Variants in PLA2G4A observed in about 807,000 individuals in gnomAD.
PLA2G4A encodes cytosolic phospholipase A2.
In PLA2G4A, 40 loss-of-function variants were observed where a neutral mutation model predicts 81.9. That is an observed-to-expected ratio of 0.49 (90% CI 0.38 to 0.64). The LOEUF is 0.64. Ranked by LOEUF, PLA2G4A falls within the 30% of genes least tolerant of loss-of-function variation. PLA2G4A has a pLI of 0.00. For synonymous variants in PLA2G4A, 302 were observed against 296.9 expected (o/e 1.02, Z -0.18); for missense variants, 715 against 905.1 (o/e 0.79, Z 2.69).
rs572006323 is a variant in PLA2G4A, at chr1:186,832,539, C to G, written c.-70+3504C>G. On this transcript the variant is annotated intron_variant, in intron 1 of 17. Coordinates refer to ENST00000367466, the MANE Select transcript of PLA2G4A (RefSeq NM_024420.3). ...AAGAGTAGAGTTTTCTATGTCAATA[C>G]TGGGTGCCATCATCAAACAGAGCAA... Among the ~76,000 whole-genome samples the G allele has an allele frequency of 2.6e-5, 4 of 152,214 alleles. No homozygotes were observed. The East Asian group carries it at 7.7e-4, about 29-fold the overall frequency.
At chr1:186,853,436 A>G (rs865942941) in intron 1 of PLA2G4A, among the ~76,000 whole-genome samples, 65 of 151,936 alleles carry the variant, frequency 4.3e-4, no homozygotes, top group African/African-American at 1.4e-3. Context: ...ATTTTTTTAA[A>G]GTTGATGTTT....
intron 5 of PLA2G4A, among the ~76,000 whole-genome samples, chr1:186,894,667 A>G (rs1323405177): frequency 3.9e-5 from 6 of 152,180 alleles, no homozygotes; most frequent in Non-Finnish European, 7.3e-5. Context: ...CTGGGGGAAT[A>G]TTTCTGTCTC....
chr1:186,887,567 G>A (rs1653979988), intron 3 of PLA2G4A, among the ~76,000 whole-genome samples: 2 of 152,066 alleles, frequency 1.3e-5, no homozygotes, highest in Admixed American at 1.3e-4. Flanking sequence ...AGATGTAAAA[G>A]GGGTTTTTGC....
chr1:186,974,123 T>G (rs1415007665), intron 15 of PLA2G4A, among the ~76,000 whole-genome samples: 3 of 151,856 alleles, frequency 2.0e-5, no homozygotes, highest in African/African-American at 7.2e-5. Context: ...ATTTATATTT[T>G]TTTACATGTA....
rs1048071867 is a variant in PLA2G4A at position 186,880,210 on chromosome 1, G to C, written c.115+9694G>C. Among the ~76,000 whole-genome samples the C allele has an allele frequency of 2.0e-5, 3 of 151,958 alleles. No homozygotes were observed. The Admixed American group carries it at 2.0e-4, about 10-fold the overall frequency. On this transcript the variant is annotated intron_variant, in intron 3 of 17. Transcript: ENST00000367466. ...TGGAAAAATGCTGCCAATAAGAGAA[G>C]ACTTTACAGCTTGAATGTAGATTGA...
chr1:186,911,410 G>C, intron 7 of PLA2G4A, 21 bp downstream of exon 7: 3 of 1,557,242 alleles, frequency 1.9e-6, no homozygotes, highest in Non-Finnish European at 2.7e-6. Flanking sequence ...AATTTTTCAA[G>C]TGTTACTATA....
At chr1:186,974,451 G>A (rs1657461378) in intron 15 of PLA2G4A, among the ~76,000 whole-genome samples, 1 of 152,032 alleles carries the variant, frequency 6.6e-6, no homozygotes, top group African/African-American at 2.4e-5. Flanking sequence ...GCCAAGATCA[G>A]GCCACAGCAC....
chr1:186,936,602 A>G (rs1204263959), intron 8 of PLA2G4A, among the ~76,000 whole-genome samples: 1 of 151,990 alleles, frequency 6.6e-6, no homozygotes. Flanking sequence ...TTTAAGCACA[A>G]AAATTCTAAA....
intron 7 of PLA2G4A, among the ~76,000 whole-genome samples, chr1:186,928,671 G>A (rs966493314): frequency 1.3e-5 from 2 of 152,336 alleles, no homozygotes; most frequent in Admixed American, 1.3e-4. Context: ...GGGCCAAGGA[G>A]AGAAATGTTT....
chr1:186,982,799 C>T (rs1657766336), intron 17 of PLA2G4A, among the ~76,000 whole-genome samples: 1 of 152,060 alleles, frequency 6.6e-6, no homozygotes, highest in South Asian at 2.1e-4. Context: ...ATTTTTGGGG[C>T]CGGGCGCCGT....
At chr1:186,832,150 T>G (rs1367688368) in intron 1 of PLA2G4A, among the ~76,000 whole-genome samples, 4 of 152,106 alleles carry the variant, frequency 2.6e-5, no homozygotes, top group African/African-American at 9.6e-5. Context: ...AGATTAGTTT[T>G]CCACTATTAT....
chr1:186,910,491 C>A (rs1654901040), intron 6 of PLA2G4A, among the ~76,000 whole-genome samples: 1 of 152,006 alleles, frequency 6.6e-6, no homozygotes, highest in Admixed American at 6.6e-5. Flanking sequence ...GTGATCCTAA[C>A]CTCTCAGGGC....
In PLA2G4A at chr1:186,911,254, C is replaced by G. The variant is rs929214833; in HGVS notation, c.423C>G (p.Cys141Trp). The G allele has an allele frequency of 1.2e-6, 2 of 1,612,954 alleles. No homozygotes were observed. The highest frequency in any genetic ancestry group is 1.3e-5 in the African/African-American group (1 of 74,984). ...TATCTGTTTGGTATTACAGCTCATGCCCAGACCTACGATTTAGTATGGCTC... is the reference window on the plus strand; with the variant it reads ...TATCTGTTTGGTATTACAGCTCATGGCCAGACCTACGATTTAGTATGGCTC... ...VLEMSLEVCS[C>W]PDLRFSMALC... is the part of the protein sequence containing the mutation. The change falls in exon 7 of 18, where the codon TGC becomes TGG. Residue 141 changes from cysteine (C) to tryptophan (W), a missense_variant. Coordinates refer to ENST00000367466, the MANE Select transcript of PLA2G4A (RefSeq NM_024420.3).
chr1:186,895,619 C>T (rs1016114619), intron 5 of PLA2G4A, among the ~76,000 whole-genome samples: 7 of 152,266 alleles, frequency 4.6e-5, no homozygotes, highest in African/African-American at 1.7e-4. Context: ...TAGGGAGATA[C>T]ATACGTGTGA....
intron 2 of PLA2G4A, among the ~76,000 whole-genome samples, chr1:186,867,108 C>A (rs774036532): frequency 7.2e-5 from 11 of 151,922 alleles, no homozygotes; most frequent in African/African-American, 2.7e-4. Flanking sequence ...ATTACTGTAG[C>A]TTTATAGTAA....
chr1:186,955,397 A>G (rs933944757), intron 13 of PLA2G4A, among the ~76,000 whole-genome samples: 3 of 152,182 alleles, frequency 2.0e-5, no homozygotes, highest in Non-Finnish European at 4.4e-5. Context: ...AAGGTAACTT[A>G]AGAAATGTAG....
intron 7 of PLA2G4A, among the ~76,000 whole-genome samples, chr1:186,912,993 G>A (rs942471890): frequency 6.7e-6 from 1 of 150,324 alleles, no homozygotes; most frequent in Admixed American, 6.6e-5. Context: ...CATCATTATC[G>A]AACAAGAAGA....
intron 3 of PLA2G4A, among the ~76,000 whole-genome samples, chr1:186,883,460 G>T (rs954878035): frequency 2.6e-5 from 4 of 152,084 alleles, no homozygotes; most frequent in African/African-American, 9.7e-5. Context: ...CATGTCATGT[G>T]ATATGAGGGG....
At chr1:186,899,080 C>T (rs1253890113) in intron 5 of PLA2G4A, among the ~76,000 whole-genome samples, 1 of 152,120 alleles carries the variant, frequency 6.6e-6, no homozygotes, top group East Asian at 1.9e-4. Flanking sequence ...AAAAGATACT[C>T]CTGCCAGATG....
Sources: gnomAD v4.1 joint callset for allele counts (sites outside exome capture counted in the v4.1 genomes callset) on GRCh38, gnomAD v4.1.1 for gene constraint, MANE v1.5 for transcripts, NCBI Gene and HGNC (gene_info 2026-07-23, HGNC 2026-07-21) for gene names.